The following SAMD4A variants were observed in gnomAD, a reference collection of about 807,000 sequenced individuals.
SAMD4A encodes protein Smaug homolog 1.
A neutral mutation model predicts 81.3 loss-of-function variants in SAMD4A; 33 were observed. The ratio of observed to expected loss-of-function variants is 0.41; its 90% confidence interval spans 0.31 to 0.54. The LOEUF is 0.54. Ranked by LOEUF, SAMD4A falls within the 20% of genes least tolerant of loss-of-function variation. The pLI, the probability that SAMD4A is intolerant of heterozygous loss-of-function variation, is 0.37. For missense variants in SAMD4A, 854 were observed against 951.1 expected (o/e 0.90, Z 1.34); for synonymous variants, 389 against 382.1 (o/e 1.02, Z -0.21).
At chr14:54,743,839 G>T (rs2037902229) in intron 4 of SAMD4A, among the ~76,000 whole-genome samples, 1 of 152,204 alleles carries the variant, frequency 6.6e-6, no homozygotes, top group African/African-American at 2.4e-5. Context: ...TTGCACAAAG[G>T]CTGGAACAGA....
chr14:54,720,190 T>G (rs2037225352), intron 3 of SAMD4A, among the ~76,000 whole-genome samples: 1 of 152,192 alleles, frequency 6.6e-6, no homozygotes, highest in African/African-American at 2.4e-5. Context: ...TTTTGTCTTT[T>G]TAAGGTTCCT....
At chr14:54,734,135 C>A (rs545702877) in intron 3 of SAMD4A, among the ~76,000 whole-genome samples, 1 of 152,382 alleles carries the variant, frequency 6.6e-6, no homozygotes, top group Admixed American at 6.5e-5. Context: ...CAAATTGGCA[C>A]TGTCGCCAAG....
chr14:54,680,024 C>A (rs1268813173), intron 2 of SAMD4A, among the ~76,000 whole-genome samples: 1 of 152,248 alleles, frequency 6.6e-6, no homozygotes, highest in African/African-American at 2.4e-5. Context: ...TGTGTGCTCA[C>A]AGTCCTACCG....
intron 2 of SAMD4A, chr14:54,685,742 G>C (rs1280695183): frequency 1.1e-5 from 5 of 456,590 alleles, no homozygotes; most frequent in South Asian, 7.7e-5. Flanking sequence ...CTTACAACCA[G>C]AACAGAGAGA....
intron 2 of SAMD4A, among the ~76,000 whole-genome samples, chr14:54,607,477 A>G (rs1340292822): frequency 2.1e-5 from 3 of 145,092 alleles, no homozygotes; most frequent in Non-Finnish European, 3.0e-5. Context: ...TTTTTTTTAG[A>G]CGGAGTCTTG....
At chr14:54,595,075 G>A (rs2033876993) in intron 2 of SAMD4A, among the ~76,000 whole-genome samples, 2 of 152,024 alleles carry the variant, frequency 1.3e-5, no homozygotes, top group Admixed American at 1.3e-4. Context: ...TATAAAACTT[G>A]CCCCTGTCGT....
At chr14:54,670,220 A>G (rs1444468696) in intron 2 of SAMD4A, among the ~76,000 whole-genome samples, 2 of 152,028 alleles carry the variant, frequency 1.3e-5, no homozygotes, top group South Asian at 2.1e-4. Flanking sequence ...CTCTTAGTAC[A>G]TTTTTGTGAT....
chr14:54,771,774 G>T (rs1469875857), intron 9 of SAMD4A, among the ~76,000 whole-genome samples: 1 of 152,212 alleles, frequency 6.6e-6, no homozygotes, highest in East Asian at 1.9e-4. Context: ...GGCATTCGGA[G>T]GTTGGAGATG....
At position 54,760,105 on chromosome 14, in the gene SAMD4A, G is replaced by A. The variant is rs533947233; in HGVS notation, c.1177-56G>A. The A allele has an allele frequency of 3.5e-5, 54 of 1,557,110 alleles. No homozygotes were observed. The East Asian group carries it at 1.2e-3, about 36-fold the overall frequency. On this transcript the variant is annotated intron_variant, in intron 6 of 12. Coordinates refer to ENST00000554335, the MANE Select transcript of SAMD4A (RefSeq NM_015589.6). The stretch of plus-strand genomic sequence containing the variant: ...CAGGGCAGGGGAGGGCAGGTACGGG[G>A]GTGGATGACCCTTATTCCTGAGCCT...
Position 54,567,995 on chromosome 14 carries a change from C to A in SAMD4A, c.79C>A (p.Leu27Met). ...CGAGTGCGAGCAGACTGTTGCGCTG[C>A]TGTCGCTGCTCAAGCGCGTGAGCCA... ...WNECEQTVAL[L>M]SLLKRVSQTQ... is the part of the protein sequence containing the mutation. Residue 27 changes from leucine (L) to methionine (M), a missense_variant, in exon 2 of 13, where the codon CTG becomes ATG. Physicochemically the swap from Leu to Met is conservative, Grantham distance 15 (BLOSUM62 2). Transcript: ENST00000554335. 1 of 1,609,454 alleles carries A rather than the reference C, an allele frequency of 6.2e-7. No individual in the cohort carries two copies. The highest frequency in any genetic ancestry group is 8.5e-7 in the Non-Finnish European group (1 of 1,179,602).
chr14:54,618,577 A>G (rs907958360), intron 2 of SAMD4A, among the ~76,000 whole-genome samples: 4 of 152,220 alleles, frequency 2.6e-5, no homozygotes, highest in Non-Finnish European at 5.9e-5. Flanking sequence ...ATTTAAGTCA[A>G]GTTTAGAATA....
At chr14:54,763,200 C>A (rs753547361) in intron 7 of SAMD4A, among the ~76,000 whole-genome samples, 14 of 135,190 alleles carry the variant, frequency 1.0e-4, no homozygotes, top group Non-Finnish European at 1.8e-4. Context: ...ACATTCTTTT[C>A]TACAGGCTGG....
At chr14:54,637,810 T>C (rs1053689404) in intron 2 of SAMD4A, among the ~76,000 whole-genome samples, 3 of 152,242 alleles carry the variant, frequency 2.0e-5, no homozygotes, top group Non-Finnish European at 2.9e-5. Context: ...AAATGGCCTT[T>C]TGGAATCCCC....
rs1226855939 is a variant in SAMD4A, at chr14:54,645,399, A to T, written c.197-56663A>T. ...TACTGTTAAGGTTTCTTCTTTCAGA[A>T]ATTGGAGCCATATATAACTATGCAA... On this transcript the variant is annotated intron_variant, in intron 2 of 12. Coordinates refer to ENST00000554335, the MANE Select transcript of SAMD4A (RefSeq NM_015589.6). 2.6e-5 allele frequency among the ~76,000 whole-genome samples: 4 copies of T among 152,334 alleles called. No homozygotes were observed. The East Asian group carries it at 7.7e-4, about 29-fold the overall frequency.
Position 54,763,489 on chromosome 14 carries a change from A to T in SAMD4A, c.1511-966A>T, listed in dbSNP as rs117105332. Among the ~76,000 whole-genome samples, 662 of 152,298 alleles carry T rather than the reference A, an allele frequency of 4.3e-3. 2 individuals are homozygous for T. The highest frequency in any genetic ancestry group is 6.4e-3 in the Non-Finnish European group (435 of 68,022). ...CCGTAATGTATTTAACAAAGTCCCA[A>T]TTAATAGGCAGTGAGGTAGTTTACA... On this transcript the variant is annotated intron_variant, in intron 7 of 12. Transcript: ENST00000554335.
intron 3 of SAMD4A, among the ~76,000 whole-genome samples, chr14:54,721,112 G>T (rs964567042): frequency 1.3e-5 from 2 of 152,128 alleles, no homozygotes; most frequent in African/African-American, 4.8e-5. Flanking sequence ...GCATAAATTG[G>T]CAGTCTATTT....
chr14:54,565,357 G>C (rs2032899407), upstream of SAMD4A, among the ~76,000 whole-genome samples: 1 of 152,216 alleles, frequency 6.6e-6, no homozygotes, highest in African/African-American at 2.4e-5. This position sits in a 1 kb window ranked among gnomAD's most constrained non-coding sequence, Gnocchi z 5.4. Context: ...CCCCCGACCG[G>C]TCTCAGGAGT....
intron 11 of SAMD4A, among the ~76,000 whole-genome samples, chr14:54,783,175 C>A (rs60357405): frequency 0.015 from 2,097 of 138,940 alleles, 16 homozygotes; most frequent in African/African-American, 0.029. Context: ...AAAAAAAAAA[C>A]AAAAAGGATT....
intron 2 of SAMD4A, among the ~76,000 whole-genome samples, chr14:54,620,045 C>T (rs975241829): frequency 1.3e-5 from 2 of 151,870 alleles, no homozygotes; most frequent in South Asian, 4.2e-4. Context: ...TACCAGTCAT[C>T]CAACTAAAAC....
Sources: allele counts gnomAD v4.1 joint callset (sites outside exome capture counted in the v4.1 genomes callset), GRCh38; gene constraint gnomAD v4.1.1; non-coding constraint Gnocchi (gnomAD v3.1); transcripts MANE v1.5; gene names NCBI Gene and HGNC (gene_info 2026-07-23, HGNC 2026-07-21).